Variants in RIPOR2 observed in about 807,000 individuals in gnomAD.
The protein encoded by RIPOR2 is RHO family interacting cell polarization regulator 2.
A neutral mutation model predicts 114.5 loss-of-function variants in RIPOR2; 39 were observed. The observed-to-expected ratio is 0.34, with a 90% CI of 0.26 to 0.44. The LOEUF (loss-of-function observed/expected upper bound fraction) is 0.44, where lower values mean the gene tolerates loss of function less well. RIPOR2 is among the 20% of genes least tolerant of loss of function. The pLI, the probability that RIPOR2 is intolerant of heterozygous loss-of-function variation, is 1.00. For missense variants in RIPOR2, 1,007 were observed against 1,255.1 expected (o/e 0.80, Z 2.99); for synonymous variants, 445 against 484.4 (o/e 0.92, Z 1.07).
chr6:24,861,072 C>G (rs186409876), intron 7 of RIPOR2, 36 bp from the exon 8 acceptor site: 2 of 1,484,210 alleles, frequency 1.3e-6, no homozygotes, highest in African/African-American at 1.4e-5. Context: ...TGAGAGCTAG[C>G]CTTTCACCCA....
At chr6:24,817,974 C>T (rs376557662) in intron 20 of RIPOR2, among the ~76,000 whole-genome samples, 1 of 31,794 alleles carries the variant, frequency 3.1e-5, no homozygotes, top group South Asian at 1.7e-3. Context: ...TTCTCTCTCT[C>T]TCTCTTTTTT....
At chr6:24,954,623 T>C (rs1455556627) in intron 1 of RIPOR2, among the ~76,000 whole-genome samples, 1 of 151,798 alleles carries the variant, frequency 6.6e-6, no homozygotes, top group Non-Finnish European at 1.5e-5. Flanking sequence ...GCCTGGCAAA[T>C]TTTTTGTAGA....
chr6:24,929,892 A>G (rs1771241454), intron 1 of RIPOR2, among the ~76,000 whole-genome samples: 1 of 152,100 alleles, frequency 6.6e-6, no homozygotes, highest in Non-Finnish European at 1.5e-5. Flanking sequence ...TGGGCAACAT[A>G]GTGAGAGGCT....
chr6:24,970,091 G>C (rs1161560453), intron 1 of RIPOR2, among the ~76,000 whole-genome samples: 2 of 152,090 alleles, frequency 1.3e-5, no homozygotes, highest in African/African-American at 4.8e-5. Context: ...TGGGAAGCCT[G>C]GGAAAGGGAA....
At chr6:25,016,812 A>G (rs1016048949) in intron 1 of RIPOR2, among the ~76,000 whole-genome samples, 10 of 152,210 alleles carry the variant, frequency 6.6e-5, no homozygotes, top group Admixed American at 2.0e-4. Context: ...ATTAATTCCA[A>G]TTTTAGTTCT....
chr6:24,896,961 G>A (rs1767939699), intron 1 of RIPOR2, among the ~76,000 whole-genome samples: 1 of 152,082 alleles, frequency 6.6e-6, no homozygotes, highest in African/African-American at 2.4e-5. Context: ...GGATCCCAGG[G>A]TATTTTACCA....
At chr6:24,833,857 C>T (rs1217930466) in intron 15 of RIPOR2, among the ~76,000 whole-genome samples, 2 of 152,118 alleles carry the variant, frequency 1.3e-5, no homozygotes, top group Non-Finnish European at 2.9e-5. Flanking sequence ...ACTGCATTGA[C>T]TGCTTGCACT....
At chr6:24,925,122 A>T (rs779446036) in intron 1 of RIPOR2, among the ~76,000 whole-genome samples, 1 of 152,180 alleles carries the variant, frequency 6.6e-6, no homozygotes, top group Non-Finnish European at 1.5e-5. Context: ...TCTTGCAGGT[A>T]GTTGGCTGGA....
intron 1 of RIPOR2, among the ~76,000 whole-genome samples, chr6:24,931,284 A>T (rs796124699): frequency 1.2e-4 from 19 of 152,290 alleles, no homozygotes; most frequent in African/African-American, 4.6e-4. Flanking sequence ...TCCTAATTAC[A>T]ATTCTTTTTG....
intron 1 of RIPOR2, among the ~76,000 whole-genome samples, chr6:24,880,851 T>C (rs1766273834): frequency 6.6e-6 from 1 of 152,200 alleles, no homozygotes; most frequent in African/African-American, 2.4e-5. Context: ...CCTGGTAACA[T>C]GCACTATACC....
intron 1 of RIPOR2, among the ~76,000 whole-genome samples, chr6:24,981,108 T>C (rs946272595): frequency 1.3e-5 from 2 of 152,178 alleles, no homozygotes; most frequent in African/African-American, 4.8e-5. Context: ...GTGTAGAGTT[T>C]GGATGAAAAC....
chr6:24,964,205 T>C (rs1273054537), intron 1 of RIPOR2, among the ~76,000 whole-genome samples: 1 of 151,162 alleles, frequency 6.6e-6, no homozygotes, highest in Non-Finnish European at 1.5e-5. Flanking sequence ...ACCAGATGCG[T>C]AGGTCCCTGT....
At position 24,848,028 on chromosome 6, in the gene RIPOR2, G is replaced by C. The variant is rs994766479; in HGVS notation, c.1161C>G (p.Phe387Leu). The change falls in exon 12 of 22, where the codon TTC (phenylalanine) becomes TTG (leucine). Residue 387 changes from phenylalanine to leucine, a missense_variant. Coordinates refer to ENST00000643898, the MANE Select transcript of RIPOR2 (RefSeq NM_001286445.3). The part of the protein sequence containing the change: ...PETPTFKDHS[F>L]FSNLPDDIFE... ...CGGGAAATTACACTGAACTTACAAA[G>C]AAGGAGTGGTCTTTGAAGGTGGGCG... The C allele has an allele frequency of 6.2e-7, 1 of 1,613,934 alleles. No individual in the cohort carries two copies. The highest frequency in any genetic ancestry group is 8.5e-7 in the Non-Finnish European group (1 of 1,179,860).
At chr6:24,824,843 C>A (rs1480232443) in intron 19 of RIPOR2, among the ~76,000 whole-genome samples, 1 of 152,082 alleles carries the variant, frequency 6.6e-6, no homozygotes, top group Non-Finnish European at 1.5e-5. Flanking sequence ...CTAGGATATT[C>A]ATACATGGAC....
intron 11 of RIPOR2, among the ~76,000 whole-genome samples, chr6:24,848,872 G>A (rs570309658): frequency 1.3e-5 from 2 of 152,252 alleles, no homozygotes; most frequent in East Asian, 1.9e-4. Context: ...GCAATATACC[G>A]GGGGCATTAC....
chr6:24,823,522 G>C (rs1036145778), intron 19 of RIPOR2, among the ~76,000 whole-genome samples: 2 of 152,206 alleles, frequency 1.3e-5, no homozygotes, highest in East Asian at 3.9e-4. Context: ...ACTCTTCAAG[G>C]GTAAGGACTG....
intron 1 of RIPOR2, among the ~76,000 whole-genome samples, chr6:24,891,412 C>G (rs1420050979): frequency 6.6e-6 from 1 of 151,824 alleles, no homozygotes; most frequent in Non-Finnish European, 1.5e-5. Context: ...AGATTATTAA[C>G]AAAACAGAAT....
intron 6 of RIPOR2, among the ~76,000 whole-genome samples, chr6:24,865,697 G>A (rs1764536669): frequency 6.6e-6 from 1 of 152,258 alleles, no homozygotes; most frequent in East Asian, 1.9e-4. Context: ...CTCTTGCATT[G>A]TTTGAGGCTA....
chr6:24,819,642 C>T lies in RIPOR2; in HGVS notation c.2869-1017G>A, dbSNP rs531019659. Among the ~76,000 whole-genome samples, 73 of 105,362 alleles carry T rather than the reference C, an allele frequency of 6.9e-4. 1 individual carries two copies. Among genetic ancestry groups the T allele is most frequent in the African/African-American group, 2.1e-3 (70 of 33,184 alleles). 69.1% of individuals were successfully genotyped at this position (105,362 alleles called of 152,430 possible). A position where few individuals can be genotyped will look rare whatever the true frequency, so the allele number is the denominator to read the frequency against. On this transcript the variant is annotated intron_variant, in intron 19 of 21. Transcript: ENST00000643898. ...GATTCTCCTACCTCGATTACAGGTG[C>T]CCACCACCACGCCCAGCTAATTTTT...
Sources: gnomAD v4.1 joint callset for allele counts (sites outside exome capture counted in the v4.1 genomes callset) on GRCh38, gnomAD v4.1.1 for gene constraint, MANE v1.5 for transcripts, NCBI Gene and HGNC (gene_info 2026-07-23, HGNC 2026-07-21) for gene names.